The following SCARB1 variants were observed in gnomAD, a reference collection of about 807,000 sequenced individuals.
SCARB1 encodes CD36 and LIMPII analogous 1.
A neutral mutation model predicts 57.2 loss-of-function variants in SCARB1; 30 were observed. The observed-to-expected ratio is 0.52, with a 90% CI of 0.39 to 0.71. The LOEUF (loss-of-function observed/expected upper bound fraction) is 0.71, where lower values mean the gene tolerates loss of function less well. SCARB1 is among the 30% of genes least tolerant of loss of function. SCARB1 has a pLI of 0.00. For missense variants in SCARB1, 543 were observed against 671.2 expected (o/e 0.81, Z 2.11); for synonymous variants, 249 against 268.3 (o/e 0.93, Z 0.70).
At chr12:124,779,550 T>C (rs1873018800) in intron 12 of SCARB1, among the ~76,000 whole-genome samples, 1 of 152,180 alleles carries the variant, frequency 6.6e-6, no homozygotes, top group Non-Finnish European at 1.5e-5. Flanking sequence ...TCTTCAACAC[T>C]GACAGCTGTC....
Position 124,782,703 on chromosome 12 carries a change from G to T in SCARB1, c.1510C>A (p.Leu504Met), listed in dbSNP as rs757823988. Residue 504 changes from leucine (L) to methionine (M), a missense_variant, in exon 12 of 13, where the codon CTG becomes ATG. Coordinates refer to ENST00000261693, the MANE Select transcript of SCARB1 (RefSeq NM_005505.5). ...CCCACCTACAGTTTTGCTTCCTGCAGCACAGAGCCCTTGGGAGCTGATGTC... is the reference window on the plus strand; with the variant it reads ...CCCACCTACAGTTTTGCTTCCTGCATCACAGAGCCCTTGGGAGCTGATGTC... ...LMTSAPKGSV[L>M]QEAKL The T allele has an allele frequency of 9.3e-6, 15 of 1,614,088 alleles. No homozygotes were observed. Among genetic ancestry groups the T allele is most frequent in the Non-Finnish European group, 1.2e-5 (14 of 1,179,994 alleles).
chr12:124,809,247 C>T (rs999812549), intron 6 of SCARB1, among the ~76,000 whole-genome samples: 3 of 151,906 alleles, frequency 2.0e-5, no homozygotes, highest in Non-Finnish European at 2.9e-5. Context: ...GAGACGGGGG[C>T]CACTTGTATT....
intron 1 of SCARB1, among the ~76,000 whole-genome samples, chr12:124,818,174 G>GACTTTACTATGTGGGGCTTT: frequency 6.6e-6 from 1 of 152,222 alleles, no homozygotes; most frequent in East Asian, 1.9e-4. Flanking sequence ...GACCAGGACA[G>GACTTTACTATGTGGGGCTTT]ACCAAAAGCC....
At chr12:124,806,827 A>G (rs1950341209) in intron 7 of SCARB1, among the ~76,000 whole-genome samples, 1 of 152,102 alleles carries the variant, frequency 6.6e-6, no homozygotes, top group South Asian at 2.1e-4. Context: ...GCTTGAGCCC[A>G]TGAGGTCGAG....
chr12:124,846,318 G>T (rs1952149406), intron 1 of SCARB1, among the ~76,000 whole-genome samples: 1 of 152,210 alleles, frequency 6.6e-6, no homozygotes, highest in Non-Finnish European at 1.5e-5. Context: ...CTCCATGCAG[G>T]TGAAGACACG....
rs1950996187 is a variant in SCARB1, at chr12:124,822,758, C to G, written c.127-5051G>C. Among the ~76,000 whole-genome samples, 1 of 152,096 alleles carries G rather than the reference C, an allele frequency of 6.6e-6. No homozygotes were observed. On this transcript the variant is annotated intron_variant, in intron 1 of 12. Transcript: ENST00000261693. The surrounding 1 kb of genome is among the most constrained non-coding windows in gnomAD (Gnocchi z 5.0). ...AAAATATTAGCCGGGCATGGTGGCGCACACCTGTGGTCCCAGCTACTCAGG... is the reference window on the plus strand; with the variant it reads ...AAAATATTAGCCGGGCATGGTGGCGGACACCTGTGGTCCCAGCTACTCAGG...
chr12:124,848,615 A>G (rs184111375), intron 1 of SCARB1, among the ~76,000 whole-genome samples: 7 of 152,382 alleles, frequency 4.6e-5, no homozygotes, highest in African/African-American at 1.2e-4. Context: ...CCGTTTTTAC[A>G]AAATAAAATC....
At chr12:124,857,165 C>T (rs1445128462) in intron 1 of SCARB1, among the ~76,000 whole-genome samples, 2 of 152,100 alleles carry the variant, frequency 1.3e-5, no homozygotes, top group Non-Finnish European at 2.9e-5. Flanking sequence ...GGAGTCGGCC[C>T]CCAGACTTGA....
In SCARB1 at chr12:124,810,951, A is replaced by G. The variant is rs1950502688; in HGVS notation, c.727-662T>C. Among the ~76,000 whole-genome samples, 1 of 152,208 alleles carries G rather than the reference A, an allele frequency of 6.6e-6. No homozygotes were observed. Among genetic ancestry groups the G allele is most frequent in the Non-Finnish European group, 1.5e-5 (1 of 68,032 alleles). On this transcript the variant is annotated intron_variant, in intron 5 of 12. Coordinates refer to ENST00000261693, the MANE Select transcript of SCARB1 (RefSeq NM_005505.5). This position sits in a 1 kb window ranked among gnomAD's most constrained non-coding sequence, Gnocchi z 4.0. ...ACCGGTTGGGGTACGATTTGTCCCT[A>G]GCCCTCAGGGTCTTTGCAGTAACTA...
intron 10 of SCARB1, among the ~76,000 whole-genome samples, chr12:124,786,745 G>A (rs1949536757): frequency 6.6e-6 from 1 of 152,338 alleles, no homozygotes; most frequent in South Asian, 2.1e-4. Flanking sequence ...CCAATGGGAG[G>A]TGGACCTGGC....
At chr12:124,780,623 G>C (rs950697148) in intron 12 of SCARB1, among the ~76,000 whole-genome samples, 2 of 152,222 alleles carry the variant, frequency 1.3e-5, no homozygotes, top group Non-Finnish European at 2.9e-5. Context: ...GCGCTGGGCT[G>C]GGCTCCAGAC....
intron 1 of SCARB1, among the ~76,000 whole-genome samples, chr12:124,860,993 A>G (rs1469245417): frequency 6.6e-6 from 1 of 152,246 alleles, no homozygotes; most frequent in East Asian, 1.9e-4. Context: ...GGTACACAGA[A>G]AAGGGTCTAG....
At chr12:124,781,678 G>A (rs1391634324) in intron 12 of SCARB1, among the ~76,000 whole-genome samples, 2 of 152,148 alleles carry the variant, frequency 1.3e-5, no homozygotes, top group Non-Finnish European at 2.9e-5. Flanking sequence ...TTCAGGATAC[G>A]TGCGTCCTAT....
chr12:124,813,232 AACT>A (rs1950585347), intron 4 of SCARB1, among the ~76,000 whole-genome samples: 1 of 152,176 alleles, frequency 6.6e-6, no homozygotes, highest in Non-Finnish European at 1.5e-5. Flanking sequence ...AGAGGGAGGA[AACT>A]GGAACACGCT....
rs1950657331 is a variant in SCARB1, at chr12:124,815,111, C to T, written c.288G>A (p.Glu96=). 1 of 1,613,322 alleles carries T rather than the reference C, an allele frequency of 6.2e-7. No individual in the cohort carries two copies. Among genetic ancestry groups the T allele is most frequent in the Non-Finnish European group, 8.5e-7 (1 of 1,180,004 alleles). Residue 96 remains glutamate, a synonymous_variant, in exon 3 of 13, where the codon GAG becomes GAA. Coordinates refer to ENST00000261693, the MANE Select transcript of SCARB1 (RefSeq NM_005505.5). ...VRERGPYVYR[E]FRHKSNITFN... ...AGGTGATGTTGCTTTTGTGCCTGAA[C>T]TCCCTGTGGGGGAAGCCAGTGGGTC... is the stretch of plus-strand genomic sequence containing the variant.
At chr12:124,860,329 G>T (rs1297776071) in intron 1 of SCARB1, among the ~76,000 whole-genome samples, 3 of 152,250 alleles carry the variant, frequency 2.0e-5, no homozygotes, top group Non-Finnish European at 2.9e-5. Context: ...AAGGGAAAAA[G>T]ATGTCAACTA....
chr12:124,831,932 G>A (rs1951413194), intron 1 of SCARB1, among the ~76,000 whole-genome samples: 1 of 152,188 alleles, frequency 6.6e-6, no homozygotes, highest in South Asian at 2.1e-4. Flanking sequence ...ACGCAATCCA[G>A]GTCATCCAAA....
At chr12:124,842,922 C>T (rs1007012589) in intron 1 of SCARB1, among the ~76,000 whole-genome samples, 4 of 152,342 alleles carry the variant, frequency 2.6e-5, no homozygotes, top group Non-Finnish European at 4.4e-5. Context: ...GCATGGGAAC[C>T]GTGTGCCCTT....
At chr12:124,802,123 C>G (rs1950153896) in intron 7 of SCARB1, among the ~76,000 whole-genome samples, 1 of 140,636 alleles carries the variant, frequency 7.1e-6, no homozygotes, top group Non-Finnish European at 1.5e-5. Flanking sequence ...GCACTCCAGC[C>G]TTGGCAACAG....
Sources: gnomAD v4.1 joint callset for allele counts (sites outside exome capture counted in the v4.1 genomes callset) on GRCh38, gnomAD v4.1.1 for gene constraint, Gnocchi (gnomAD v3.1) non-coding constraint, MANE v1.5 for transcripts, NCBI Gene and HGNC (gene_info 2026-07-23, HGNC 2026-07-21) for gene names.